ITGA9: variants seen among roughly 807,000 people sequenced by gnomAD.
ITGA9 encodes integrin alpha-9.
In ITGA9, 56 loss-of-function variants were observed where a neutral mutation model predicts 127.8. The ratio of observed to expected loss-of-function variants is 0.44; its 90% CI spans 0.35 to 0.55. The LOEUF (loss-of-function observed/expected upper bound fraction) is 0.55, where lower values mean the gene tolerates loss of function less well. ITGA9 is among the 20% of genes least tolerant of loss of function. The pLI, the probability that ITGA9 is intolerant of heterozygous loss-of-function variation, is 0.00. For synonymous variants in ITGA9, 508 were observed against 514.5 expected (o/e 0.99, Z 0.17); for missense variants, 1,196 against 1,347.1 (o/e 0.89, Z 1.76).
chr3:37,702,124 G>A (rs1055809604), intron 18 of ITGA9, among the ~76,000 whole-genome samples: 1 of 152,170 alleles, frequency 6.6e-6, no homozygotes, highest in Non-Finnish European at 1.5e-5. Context: ...AGGGCTTAGG[G>A]TGGTGAGGGT....
intron 15 of ITGA9, among the ~76,000 whole-genome samples, chr3:37,595,230 A>G (rs1413203694): frequency 2.6e-5 from 4 of 151,952 alleles, no homozygotes; most frequent in Non-Finnish European, 5.9e-5. Context: ...TCAGCTTTCC[A>G]GGTAGCTGGG....
intron 16 of ITGA9, among the ~76,000 whole-genome samples, chr3:37,635,044 C>T (rs1011633445): frequency 6.6e-6 from 1 of 151,988 alleles, no homozygotes; most frequent in Non-Finnish European, 1.5e-5. Flanking sequence ...TTTCTTAAGA[C>T]AAATGAAAAT....
At chr3:37,636,335 G>A in intron 16 of ITGA9, among the ~76,000 whole-genome samples, 1 of 152,200 alleles carries the variant, frequency 6.6e-6, no homozygotes. Flanking sequence ...TAACTGGTGT[G>A]AGATGGTATC....
chr3:37,474,114 G>T (rs1003979870), intron 3 of ITGA9, among the ~76,000 whole-genome samples: 2 of 152,002 alleles, frequency 1.3e-5, no homozygotes, highest in African/African-American at 4.8e-5. Flanking sequence ...TTTTTAACTA[G>T]TTATTTATCG....
chr3:37,734,575 C>T (rs533813902), intron 19 of ITGA9, among the ~76,000 whole-genome samples: 55 of 152,264 alleles, frequency 3.6e-4, no homozygotes, highest in African/African-American at 7.5e-4. Flanking sequence ...CTGCAACCTC[C>T]GCCTCCCAGG....
chr3:37,744,916 C>T (rs760429929), intron 22 of ITGA9, among the ~76,000 whole-genome samples: 9 of 152,332 alleles, frequency 5.9e-5, no homozygotes, highest in Middle Eastern at 3.4e-3. Flanking sequence ...CAAGACCTGG[C>T]GGCACTGGCC....
intron 3 of ITGA9, among the ~76,000 whole-genome samples, chr3:37,478,465 C>T (rs1216697159): frequency 6.6e-6 from 1 of 152,176 alleles, no homozygotes; most frequent in Non-Finnish European, 1.5e-5. Context: ...GAAGAGCAAT[C>T]CTTATACCTT....
intron 11 of ITGA9, among the ~76,000 whole-genome samples, chr3:37,522,562 A>G: frequency 6.6e-6 from 1 of 152,020 alleles, no homozygotes; most frequent in East Asian, 1.9e-4. Flanking sequence ...CCCGTCTGAC[A>G]AAAAAAGTAA....
chr3:37,522,533 T>A (rs1699054446), intron 11 of ITGA9, among the ~76,000 whole-genome samples: 1 of 152,006 alleles, frequency 6.6e-6, no homozygotes, highest in Admixed American at 6.5e-5. Flanking sequence ...TGAAACCACC[T>A]TGGGCAACAT....
chr3:37,612,845 C>T (rs1487431171), intron 15 of ITGA9, among the ~76,000 whole-genome samples: 3 of 152,162 alleles, frequency 2.0e-5, no homozygotes, highest in African/African-American at 7.2e-5. Flanking sequence ...GCTTCACACA[C>T]ATCAGACAAA....
At chr3:37,531,289 G>C (rs1699149718) in intron 13 of ITGA9, among the ~76,000 whole-genome samples, 1 of 152,122 alleles carries the variant, frequency 6.6e-6, no homozygotes, top group African/African-American at 2.4e-5. Flanking sequence ...TCCCATTGAA[G>C]GTCACAGGAA....
intron 15 of ITGA9, among the ~76,000 whole-genome samples, chr3:37,570,768 G>C (rs1199597286): frequency 6.6e-5 from 10 of 152,126 alleles, no homozygotes; most frequent in Admixed American, 6.5e-4. Flanking sequence ...AGAGAGATGA[G>C]AAAACATTAG....
chr3:37,650,580 C>T (rs1259953936), intron 16 of ITGA9, among the ~76,000 whole-genome samples: 1 of 151,926 alleles, frequency 6.6e-6, no homozygotes, highest in African/African-American at 2.4e-5. Flanking sequence ...TACAGGCACC[C>T]ACCACCACAC....
At chr3:37,735,824 G>A (rs1416804039) in intron 19 of ITGA9, among the ~76,000 whole-genome samples, 2 of 152,200 alleles carry the variant, frequency 1.3e-5, no homozygotes, top group African/African-American at 2.4e-5. Flanking sequence ...TGGGTGATAC[G>A]TGGACGCAGC....
intron 16 of ITGA9, among the ~76,000 whole-genome samples, chr3:37,642,045 C>T (rs1031340832): frequency 6.6e-6 from 1 of 152,110 alleles, no homozygotes; most frequent in African/African-American, 2.4e-5. Context: ...TCAAGTGATC[C>T]TCCCACCTCA....
intron 5 of ITGA9, among the ~76,000 whole-genome samples, chr3:37,495,528 C>G (rs1459547527): frequency 6.6e-6 from 1 of 152,182 alleles, no homozygotes. Context: ...TCTAATTCAT[C>G]TGCAGTCCTG....
At chr3:37,596,453 C>T (rs1196201671) in intron 15 of ITGA9, among the ~76,000 whole-genome samples, 1 of 152,138 alleles carries the variant, frequency 6.6e-6, no homozygotes, top group East Asian at 1.9e-4. Context: ...GTTCTTCCTC[C>T]AGCCCAGAGA....
At chr3:37,543,947 C>T (rs1031560390) in intron 15 of ITGA9, among the ~76,000 whole-genome samples, 2 of 152,220 alleles carry the variant, frequency 1.3e-5, no homozygotes, top group East Asian at 1.9e-4. Flanking sequence ...AGCCCCGCCC[C>T]GTCAGTCTTA....
chr3:37,714,022 A>G (rs951620493), intron 18 of ITGA9, among the ~76,000 whole-genome samples: 1 of 152,252 alleles, frequency 6.6e-6, no homozygotes, highest in African/African-American at 2.4e-5. Context: ...CAGTGGCTGC[A>G]TGATGATGTG....
Sources: allele counts gnomAD v4.1 joint callset (sites outside exome capture counted in the v4.1 genomes callset), GRCh38; gene constraint gnomAD v4.1.1; transcripts MANE v1.5; gene names NCBI Gene and HGNC (gene_info 2026-07-23, HGNC 2026-07-21).